NCAM1: variants seen among roughly 807,000 people sequenced by gnomAD.
The protein encoded by NCAM1 is neural cell adhesion molecule 1, also known as antigen recognized by monoclonal antibody 5.1H11.
In NCAM1, 14 loss-of-function variants were observed where a neutral mutation model predicts 109.8. The ratio of observed to expected loss-of-function variants is 0.13; its 90% CI spans 0.08 to 0.20. The LOEUF is 0.20. Among genes scored for constraint, NCAM1 ranks in the 10% least tolerant of loss-of-function variants. The pLI, the probability that NCAM1 is intolerant of heterozygous loss-of-function variation, is 1.00. For synonymous variants in NCAM1, 418 were observed against 442.9 expected (o/e 0.94, Z 0.70); for missense variants, 774 against 1,109.9 (o/e 0.70, Z 4.30).
chr11:113,195,840 A>G (rs1435796760), intron 1 of NCAM1, among the ~76,000 whole-genome samples: 4 of 151,950 alleles, frequency 2.6e-5, no homozygotes, highest in East Asian at 1.9e-4. Context: ...GCTGAATTCA[A>G]TAGTATATAA....
intron 1 of NCAM1, among the ~76,000 whole-genome samples, chr11:113,045,546 G>T (rs1200851661): frequency 1.3e-5 from 2 of 152,170 alleles, no homozygotes; most frequent in African/African-American, 4.8e-5. Flanking sequence ...CACGCACGCC[G>T]TGACTACAAA....
intron 1 of NCAM1, among the ~76,000 whole-genome samples, chr11:113,167,420 G>T (rs1470024277): frequency 6.6e-6 from 1 of 152,014 alleles, no homozygotes; most frequent in Non-Finnish European, 1.5e-5. Flanking sequence ...TGCTGACTTG[G>T]GTCACCCACA....
intron 8 of NCAM1, among the ~76,000 whole-genome samples, chr11:113,215,118 T>C (rs1268796356): frequency 6.6e-6 from 1 of 152,186 alleles, no homozygotes; most frequent in Admixed American, 6.6e-5. Flanking sequence ...AAGAACATTG[T>C]AGCAACCTTC....
chr11:113,277,496 A>C lies in NCAM1; in HGVS notation c.*2109A>C. The C allele has an allele frequency of 2.5e-6, 1 of 398,880 alleles. No individual in the cohort carries two copies. Among genetic ancestry groups the C allele is most frequent in the Non-Finnish European group, 4.4e-6 (1 of 226,048 alleles). 24.7% of individuals were successfully genotyped at this position (398,880 alleles called of 1,614,324 possible). On this transcript the variant is annotated 3_prime_UTR_variant, in exon 20 of 20. Coordinates refer to ENST00000316851, the MANE Select transcript of NCAM1 (RefSeq NM_181351.5). ...CTTAGAGCACACAGTAGAATGTGAG[A>C]GCCTGGGTGTCTGAGACCGGGAGGG...
chr11:113,117,813 CT>C (rs1289295984), intron 1 of NCAM1, among the ~76,000 whole-genome samples: 9 of 152,062 alleles, frequency 5.9e-5, no homozygotes, highest in African/African-American at 1.9e-4. Context: ...AAACATGCAT[CT>C]TTTTATCATC....
At chr11:113,206,968 A>G (rs191540974) in intron 5 of NCAM1, among the ~76,000 whole-genome samples, 47 of 152,378 alleles carry the variant, frequency 3.1e-4, no homozygotes, top group Non-Finnish European at 5.6e-4. Flanking sequence ...GAGAAAATAC[A>G]TAATGAAGAA....
At chr11:112,988,149 T>A (rs190744113) in intron 1 of NCAM1, among the ~76,000 whole-genome samples, 1 of 152,306 alleles carries the variant, frequency 6.6e-6, no homozygotes, top group East Asian at 1.9e-4. Context: ...TTAACTTTGA[T>A]TGCACACAAA....
intron 1 of NCAM1, among the ~76,000 whole-genome samples, chr11:113,110,825 AGTCCTTTCCTATTGGGATAG>A (rs1481847938): frequency 2.0e-5 from 3 of 152,286 alleles, no homozygotes; most frequent in Non-Finnish European, 4.4e-5. Flanking sequence ...AGAGGCAGAG[AGTCCTTTCCTATTGGGATAG>A]GTCCTTTCCT....
rs1946371614 is a variant in NCAM1 at position 113,274,963 on chromosome 11, G to A, written c.2457-304G>A. ...AAACACAGCCTCTGGCATCAACTTA[G>A]GGCTGGAAGAGGAAAGGACTCGTTC... On this transcript the variant is annotated intron_variant, in intron 19 of 19. Coordinates refer to ENST00000316851, the MANE Select transcript of NCAM1 (RefSeq NM_181351.5). The surrounding 1 kb of genome is among the most constrained non-coding windows in gnomAD (Gnocchi z 4.1). Among the ~76,000 whole-genome samples, 2 of 152,178 alleles carry A rather than the reference G, an allele frequency of 1.3e-5. No individual in the cohort carries two copies. The highest frequency in any genetic ancestry group is 2.4e-5 in the African/African-American group (1 of 41,430).
chr11:113,246,051 C>T (rs187283454), intron 14 of NCAM1: 6 of 434,622 alleles, frequency 1.4e-5, no homozygotes, highest in Admixed American at 1.2e-4. Flanking sequence ...GTGTTGCAGC[C>T]GTAGCTAATG....
intron 1 of NCAM1, among the ~76,000 whole-genome samples, chr11:113,083,964 G>T (rs999324984): frequency 1.3e-5 from 2 of 152,186 alleles, no homozygotes; most frequent in Non-Finnish European, 2.9e-5. Flanking sequence ...TAATAGAAAT[G>T]AGAAGAAGCT....
intron 1 of NCAM1, among the ~76,000 whole-genome samples, chr11:113,029,452 G>A (rs1555077986): frequency 6.6e-6 from 1 of 152,176 alleles, no homozygotes; most frequent in Non-Finnish European, 1.5e-5. Context: ...TCAAACAAGT[G>A]TATATGCACA....
At chr11:112,996,407 C>T (rs1485699273) in intron 1 of NCAM1, among the ~76,000 whole-genome samples, 7 of 152,110 alleles carry the variant, frequency 4.6e-5, no homozygotes, top group Admixed American at 3.3e-4. Flanking sequence ...GCAAAATAAA[C>T]TTCATGTGTA....
At chr11:113,043,272 C>T (rs902575089) in intron 1 of NCAM1, among the ~76,000 whole-genome samples, 6 of 152,158 alleles carry the variant, frequency 3.9e-5, no homozygotes, top group African/African-American at 1.2e-4. Context: ...ACAGACCACT[C>T]ATCCTGCTGA....
intron 1 of NCAM1, among the ~76,000 whole-genome samples, chr11:113,004,398 C>A (rs996237360): frequency 1.3e-5 from 2 of 151,934 alleles, no homozygotes; most frequent in African/African-American, 4.8e-5. Context: ...GAGGCTGAGG[C>A]AGAGAATTGC....
rs797037760 is a variant in NCAM1, at chr11:113,178,815, G to C, written c.53-23564G>C. On this transcript the variant is annotated intron_variant, in intron 1 of 19. Transcript: ENST00000316851. ...GTTCAGGGAGTGATGACACATGGCA[G>C]ATTACAGCATTCGAAGGCCAACATT... Among the ~76,000 whole-genome samples, 9 of 152,182 alleles carry C rather than the reference G, an allele frequency of 5.9e-5. No homozygotes were observed. In the South Asian group the frequency reaches 1.9e-3, roughly 32 times the overall value.
chr11:113,203,329 C>G (rs146103075), intron 2 of NCAM1, among the ~76,000 whole-genome samples: 1 of 152,258 alleles, frequency 6.6e-6, no homozygotes. Flanking sequence ...GATCTGGAGA[C>G]GCAGCCGTGG....
chr11:113,275,471 C>T lies in NCAM1; in HGVS notation c.*84C>T. On this transcript the variant is annotated 3_prime_UTR_variant, in exon 20 of 20. Coordinates refer to ENST00000316851, the MANE Select transcript of NCAM1 (RefSeq NM_181351.5). The stretch of plus-strand genomic sequence containing the variant: ...GCATTTCCAACACCACAGACACACA[C>T]ACGCACGCACACACACAAACACACA... 2.7e-6 allele frequency: 4 copies of T among 1,476,804 alleles called. No homozygotes were observed. Among genetic ancestry groups the T allele is most frequent in the African/African-American group, 1.4e-5 (1 of 71,284 alleles). The allele number at this position is 1,476,804 out of a possible 1,614,324, so 91.5% of individuals were successfully genotyped here. A position where few individuals can be genotyped will look rare whatever the true frequency, so the allele number is the denominator to read the frequency against.
intron 1 of NCAM1, among the ~76,000 whole-genome samples, chr11:113,038,965 C>T (rs782128081): frequency 4.6e-5 from 7 of 152,100 alleles, no homozygotes; most frequent in African/African-American, 1.2e-4. Context: ...GAATAGACAT[C>T]GCCAGGGCTG....
Sources: gnomAD v4.1 joint callset for allele counts (sites outside exome capture counted in the v4.1 genomes callset) on GRCh38, gnomAD v4.1.1 for gene constraint, Gnocchi (gnomAD v3.1) non-coding constraint, MANE v1.5 for transcripts, NCBI Gene and HGNC (gene_info 2026-07-23, HGNC 2026-07-21) for gene names.